Variants in RBBP8 observed in about 807,000 individuals in gnomAD.
RBBP8 encodes the protein DNA endonuclease RBBP8.
RBBP8 carries 88 observed loss-of-function variants against 108.3 expected under a neutral mutation model. That is an observed-to-expected ratio of 0.81 (90% CI 0.68 to 0.97). RBBP8 has a LOEUF of 0.97. RBBP8 is among the 50% of genes least tolerant of loss of function. The pLI, the probability that RBBP8 is intolerant of heterozygous loss-of-function variation, is 0.00. For synonymous variants in RBBP8, 332 were observed against 348.2 expected, an observed-to-expected ratio of 0.95 and a Z score of 0.52; for missense variants, 1,023 against 1,049.0, an observed-to-expected ratio of 0.98 and a Z score of 0.34.
intron 3 of RBBP8, chr18:22,920,953 A>C (rs1909571885): frequency 6.6e-6 from 1 of 152,226 alleles, no homozygotes; most frequent in South Asian, 2.1e-4. Flanking sequence ...TCAAATGCAC[A>C]TGTTCAACCA....
In RBBP8 at chr18:22,996,379, T is replaced by A. The variant is rs746953281; in HGVS notation, c.1945T>A (p.Ser649Thr). The change falls in exon 13 of 19, where the codon TCC (serine) becomes ACC (threonine). Residue 649 changes from serine (S) to threonine (T), a missense_variant. Physicochemically the swap from Ser to Thr is moderately conservative, Grantham distance 58 (BLOSUM62 1). Transcript: ENST00000327155. ...IKSLQNNQDV[S>T]FENIQWSIDP... ...GCTCTTTCCCTTTACCTAAGATGTA[T>A]CCTTTGAAAATATCCAGTGGAGTAT... 3 of 1,613,574 alleles carry A rather than the reference T, an allele frequency of 1.9e-6. No individual in the cohort carries two copies. The South Asian group carries it at 3.3e-5, about 18-fold the overall frequency.
intron 5 of RBBP8, among the ~76,000 whole-genome samples, chr18:22,973,310 C>T (rs1914258440): frequency 6.6e-6 from 1 of 152,090 alleles, no homozygotes; most frequent in Non-Finnish European, 1.5e-5. Context: ...TAGTGACACC[C>T]TTTCTGGCTT....
chr18:22,945,432 C>T (rs534953781), intron 2 of RBBP8, among the ~76,000 whole-genome samples: 2 of 151,876 alleles, frequency 1.3e-5, no homozygotes, highest in East Asian at 1.9e-4. Context: ...TTGTTGCCCA[C>T]GCTGGAGTGC....
chr18:22,926,421 A>G (rs1246888870), intron 3 of RBBP8, among the ~76,000 whole-genome samples: 1 of 152,216 alleles, frequency 6.6e-6, no homozygotes, highest in Non-Finnish European at 1.5e-5. Flanking sequence ...AAGACTCTGT[A>G]TCAAAATAAA....
chr18:23,021,983 T>C, intron 17 of RBBP8, 146 bp from the exon 18 acceptor site: 1 of 677,240 alleles, frequency 1.5e-6, no homozygotes, highest in Non-Finnish European at 2.6e-6. Context: ...AATTAATTAC[T>C]AATAGTATCA....
Position 22,993,314 on chromosome 18 carries a change from G to A in RBBP8, c.1487G>A (p.Arg496Gln), listed in dbSNP as rs201903109. 1.9e-5 allele frequency: 31 copies of A among 1,614,172 alleles called. No individual in the cohort carries two copies. Among genetic ancestry groups the A allele is most frequent in the South Asian group, 2.2e-5 (2 of 91,068 alleles). ...GATAAACCTCTGGATCTGTCTGATC[G>A]ATTTTCAGCTATTCAGCGTCAAGAG... ...VMDKPLDLSD[R>Q]FSAIQRQEKS... The change falls in exon 11 of 19, where the codon CGA becomes CAA. Residue 496 changes from arginine (R) to glutamine (Q), a missense_variant. Transcript: ENST00000327155.
chr18:22,919,784 T>A (rs1909514937), intron 3 of RBBP8, among the ~76,000 whole-genome samples: 1 of 152,076 alleles, frequency 6.6e-6, no homozygotes. Context: ...ACTCCTGACC[T>A]TAGATGATCC....
At chr18:23,001,408 A>G (rs1234031016) in intron 14 of RBBP8, among the ~76,000 whole-genome samples, 178 bp from the exon 15 acceptor site, 6 of 152,248 alleles carry the variant, frequency 3.9e-5, no homozygotes, top group Non-Finnish European at 8.8e-5. Context: ...ATATTATTAC[A>G]TTACACAGTT....
rs184825982 is a variant in RBBP8 at position 23,012,164 on chromosome 18, C to T, written c.2358-4664C>T. Among the ~76,000 whole-genome samples, 181 of 139,592 alleles carry T rather than the reference C, an allele frequency of 1.3e-3. 2 individuals are homozygous for T. The highest frequency in any genetic ancestry group is 6.9e-4 in the South Asian group (3 of 4,334). 91.6% of individuals were successfully genotyped at this position (139,592 alleles called of 152,430 possible). A position where few individuals can be genotyped will look rare whatever the true frequency, so the allele number is the denominator to read the frequency against. On this transcript the variant is annotated intron_variant, in intron 16 of 18. Transcript: ENST00000327155. ...GGTCGAGACTAGTGAGCTGTGATCG[C>T]GCCACTGCACTCCAGCCTGGGAGAC...
chr18:22,995,655 G>A (rs1404027548), intron 12 of RBBP8, among the ~76,000 whole-genome samples: 4 of 152,174 alleles, frequency 2.6e-5, no homozygotes, highest in South Asian at 4.2e-4. Flanking sequence ...AAATGGAATC[G>A]TTTAATATAT....
At chr18:22,944,497 G>C (rs550172841) in intron 2 of RBBP8, among the ~76,000 whole-genome samples, 1 of 152,266 alleles carries the variant, frequency 6.6e-6, no homozygotes, top group East Asian at 1.9e-4. Flanking sequence ...TTTTGAGAAG[G>C]GAAAACATGT....
At chr18:22,988,274 C>G (rs1273199501) in intron 8 of RBBP8, among the ~76,000 whole-genome samples, 1 of 150,924 alleles carries the variant, frequency 6.6e-6, no homozygotes, top group African/African-American at 2.5e-5. Context: ...ATTTAAAACT[C>G]TTAGATATCT....
chr18:22,998,814 T>C (rs1453141523), intron 14 of RBBP8, among the ~76,000 whole-genome samples: 1 of 152,206 alleles, frequency 6.6e-6, no homozygotes, highest in Non-Finnish European at 1.5e-5. Flanking sequence ...TGTTCTTCAA[T>C]GACAAATAGC....
intron 2 of RBBP8, among the ~76,000 whole-genome samples, chr18:22,941,947 TG>T: frequency 6.6e-6 from 1 of 152,274 alleles, no homozygotes; most frequent in Non-Finnish European, 1.5e-5. Context: ...TAAGTAGATA[TG>T]TCATTTTAAA....
intron 13 of RBBP8, among the ~76,000 whole-genome samples, chr18:22,997,204 C>G (rs1310084042): frequency 6.6e-6 from 1 of 152,152 alleles, no homozygotes; most frequent in African/African-American, 2.4e-5. Context: ...TTCTCTTTCA[C>G]TTGGTAGCAT....
chr18:22,942,314 C>T (rs1359803041), intron 2 of RBBP8, among the ~76,000 whole-genome samples: 2 of 152,084 alleles, frequency 1.3e-5, no homozygotes, highest in Admixed American at 1.3e-4. Context: ...AATCTGAATG[C>T]TCTGCTACAC....
intron 4 of RBBP8, among the ~76,000 whole-genome samples, chr18:22,967,840 G>A (rs1243912405): frequency 6.6e-6 from 1 of 151,640 alleles, no homozygotes. Context: ...TAGAGACAGG[G>A]GTTTCACTGT....
At chr18:22,938,766 A>G (rs1910793694) in intron 2 of RBBP8, among the ~76,000 whole-genome samples, 1 of 152,250 alleles carries the variant, frequency 6.6e-6, no homozygotes, top group Non-Finnish European at 1.5e-5. Flanking sequence ...TAGACATAAA[A>G]ATACTACATA....
intron 4 of RBBP8, among the ~76,000 whole-genome samples, chr18:22,957,374 G>C (rs1013114468): frequency 1.7e-5 from 2 of 115,602 alleles, no homozygotes; most frequent in African/African-American, 6.7e-5. Flanking sequence ...CATCTCTGTT[G>C]TATTTACAGC....
Sources: gnomAD v4.1 joint callset for allele counts (sites outside exome capture counted in the v4.1 genomes callset) on GRCh38, gnomAD v4.1.1 for gene constraint, MANE v1.5 for transcripts, NCBI Gene and HGNC (gene_info 2026-07-23, HGNC 2026-07-21) for gene names.